The following FRAS1 variants were observed in gnomAD, a reference collection of about 807,000 sequenced individuals.
The protein encoded by FRAS1 is Fraser extracellular matrix complex subunit 1, also known as extracellular matrix organizing protein FRAS1.
FRAS1 carries 290 observed loss-of-function variants against 435.2 expected under a neutral mutation model. The observed-to-expected ratio is 0.67, with a 90% CI of 0.61 to 0.73. FRAS1 has a LOEUF of 0.73. FRAS1 is among the 30% of genes least tolerant of loss of function. The probability of loss-of-function intolerance (pLI) is 0.00; values close to 1 mark genes in which losing one functional copy is unlikely to be tolerated. For missense variants in FRAS1, 4,860 were observed against 5,001.5 expected, an observed-to-expected ratio of 0.97 and a Z score of 0.85; for synonymous variants, 1,800 against 1,851.0, an observed-to-expected ratio of 0.97 and a Z score of 0.71.
At chr4:78,415,241 A>G (rs1733505371) in intron 32 of FRAS1, among the ~76,000 whole-genome samples, 2 of 152,316 alleles carry the variant, frequency 1.3e-5, no homozygotes, top group South Asian at 2.1e-4. Context: ...GGTGAGGGAT[A>G]AAAGACTACA....
At chr4:78,288,110 A>G (rs1247609098) in intron 14 of FRAS1, among the ~76,000 whole-genome samples, 1 of 152,224 alleles carries the variant, frequency 6.6e-6, no homozygotes, top group East Asian at 1.9e-4. Context: ...CATAAAACAG[A>G]AAAGAACCCT....
chr4:78,318,939 C>T lies in FRAS1; in HGVS notation c.2090C>T (p.Ala697Val), dbSNP rs770634186. The T allele has an allele frequency of 6.2e-7, 1 of 1,613,918 alleles. No individual in the cohort carries two copies. The highest frequency in any genetic ancestry group is 2.2e-5 in the East Asian group (1 of 44,876). The change falls in exon 18 of 74, where the codon GCC becomes GTC. Residue 697 changes from alanine to valine, a missense_variant. By Grantham distance (64) the Ala-to-Val change is moderately conservative. Transcript: ENST00000512123. ...GGCATCCCCTCTGGCGAGTGTCTAG[C>T]CCAGTGTAGAGCCCATTTTTACTTG... The part of the protein sequence containing the change: ...DVGIPSGECL[A>V]QCRAHFYLES...
intron 2 of FRAS1, among the ~76,000 whole-genome samples, chr4:78,184,990 C>T (rs1456221070): frequency 6.6e-6 from 1 of 152,194 alleles, no homozygotes; most frequent in African/African-American, 2.4e-5. Context: ...CTTCATTTTT[C>T]AGCAAACAGA....
intron 19 of FRAS1, among the ~76,000 whole-genome samples, chr4:78,335,747 C>A (rs552252946): frequency 6.6e-6 from 1 of 152,284 alleles, no homozygotes; most frequent in African/African-American, 2.4e-5. Context: ...TATTTATTTC[C>A]TTCTTTAACA....
chr4:78,484,174 T>G (rs1720103300), intron 58 of FRAS1, among the ~76,000 whole-genome samples: 1 of 152,164 alleles, frequency 6.6e-6, no homozygotes, highest in African/African-American at 2.4e-5. Context: ...TCTGGTTTCT[T>G]TCACTAGAAA....
intron 51 of FRAS1, 88 bp from the exon 52 acceptor site, chr4:78,472,092 T>G (rs1326087609): frequency 7.5e-7 from 1 of 1,333,178 alleles, no homozygotes; most frequent in Non-Finnish European, 1.1e-6. Context: ...AGTAAATCAT[T>G]GTTGAACTGA....
intron 2 of FRAS1, among the ~76,000 whole-genome samples, chr4:78,092,731 G>A (rs1741594955): frequency 6.6e-6 from 1 of 152,160 alleles, no homozygotes; most frequent in Non-Finnish European, 1.5e-5. Context: ...GGGCTTCAAT[G>A]ACCTCACAGG....
chr4:78,361,998 C>T (rs1327606191), intron 20 of FRAS1, among the ~76,000 whole-genome samples: 1 of 152,084 alleles, frequency 6.6e-6, no homozygotes, highest in African/African-American at 2.4e-5. Flanking sequence ...AAGTTTTCAC[C>T]TACAAAGGAA....
At chr4:78,068,089 A>G (rs1160862974) in intron 2 of FRAS1, among the ~76,000 whole-genome samples, 1 of 152,180 alleles carries the variant, frequency 6.6e-6, no homozygotes, top group African/African-American at 2.4e-5. Flanking sequence ...TTAAACAAAT[A>G]TTTATTGAAT....
intron 70 of FRAS1, among the ~76,000 whole-genome samples, chr4:78,527,335 T>C (rs1486572581): frequency 6.6e-6 from 1 of 151,966 alleles, no homozygotes; most frequent in Non-Finnish European, 1.5e-5. Context: ...CATTCATTCA[T>C]TCATTCATTC....
At chr4:78,518,442 ATATATATATATTTATT>A (rs1560423134) in intron 66 of FRAS1, among the ~76,000 whole-genome samples, 2 of 66,878 alleles carry the variant, frequency 3.0e-5, no homozygotes, top group African/African-American at 4.6e-5. Flanking sequence ...ATATATATAT[ATATATATATATTTATT>A]TATTTATTTA....
chr4:78,395,404 G>C lies in FRAS1; in HGVS notation c.3976-5330G>C, dbSNP rs189954625. 3.6e-3 allele frequency among the ~76,000 whole-genome samples: 541 copies of C among 152,000 alleles called. 18 individuals are homozygous for C. Among genetic ancestry groups the C allele is most frequent in the Admixed American group, 0.033 (501 of 15,262 alleles). On this transcript the variant is annotated intron_variant, in intron 29 of 73. Coordinates refer to ENST00000512123, the MANE Select transcript of FRAS1 (RefSeq NM_025074.7). ...GTTCCATAGTGTTATTCAAGTCCTC[G>C]ATTTCTTTATTGATTTTCTATCTGG...
intron 18 of FRAS1, among the ~76,000 whole-genome samples, chr4:78,323,685 C>T (rs759212276): frequency 9.2e-5 from 14 of 152,070 alleles, no homozygotes; most frequent in Non-Finnish European, 1.9e-4. Flanking sequence ...TAGTGACAAC[C>T]AGTGTGGCAG....
rs956368542 is a variant in FRAS1, at chr4:78,519,357, G to A, written c.10416G>A (p.Leu3472=). 1.3e-6 allele frequency: 2 copies of A among 1,580,200 alleles called. No individual in the cohort carries two copies. The highest frequency in any genetic ancestry group is 3.9e-5 in the Admixed American group (2 of 51,252). ...FQVRDSAQSF[L]TVHVPLYVSY... Reference sequence around the variant, plus strand: ...TGAGGGACTCTGCCCAGTCCTTCTTGACAGTGCACGTGCCTCTATATGTGT... The same window carrying A: ...TGAGGGACTCTGCCCAGTCCTTCTTAACAGTGCACGTGCCTCTATATGTGT... Residue 3472 remains leucine, a synonymous_variant, in exon 67 of 74, where the codon TTG becomes TTA. Coordinates refer to ENST00000512123, the MANE Select transcript of FRAS1 (RefSeq NM_025074.7).
intron 29 of FRAS1, among the ~76,000 whole-genome samples, chr4:78,389,044 C>T (rs1428802832): frequency 6.6e-6 from 1 of 152,152 alleles, no homozygotes; most frequent in African/African-American, 2.4e-5. Flanking sequence ...CATTCTACAA[C>T]ATTTTGTCCA....
At chr4:78,169,334 T>C (rs1486816162) in intron 2 of FRAS1, among the ~76,000 whole-genome samples, 2 of 152,118 alleles carry the variant, frequency 1.3e-5, no homozygotes, top group African/African-American at 4.8e-5. Context: ...AAGCTAATTA[T>C]GGCTCATGGA....
intron 1 of FRAS1, among the ~76,000 whole-genome samples, chr4:78,065,329 A>G (rs1739980409): frequency 6.6e-6 from 1 of 151,190 alleles, no homozygotes; most frequent in African/African-American, 2.4e-5. Context: ...TATATGTAGT[A>G]CACACACACA....
At chr4:78,259,949 A>G (rs997048836) in intron 6 of FRAS1, among the ~76,000 whole-genome samples, 2 of 152,170 alleles carry the variant, frequency 1.3e-5, no homozygotes, top group African/African-American at 4.8e-5. Flanking sequence ...TCCCAGCATC[A>G]TTTATTAAAT....
chr4:78,390,374 G>A (rs979293831), intron 29 of FRAS1, among the ~76,000 whole-genome samples: 2 of 152,166 alleles, frequency 1.3e-5, no homozygotes, highest in African/African-American at 4.8e-5. Flanking sequence ...TTTTCCAAAA[G>A]AGGAAACTGA....
Sources: allele counts gnomAD v4.1 joint callset (sites outside exome capture counted in the v4.1 genomes callset), GRCh38; gene constraint gnomAD v4.1.1; transcripts MANE v1.5; gene names NCBI Gene and HGNC (gene_info 2026-07-23, HGNC 2026-07-21).